Variants in DYNC1LI2 observed in about 807,000 individuals in gnomAD.
DYNC1LI2 encodes the protein cytoplasmic dynein 1 light intermediate chain 2.
Under a neutral mutation model 57.8 loss-of-function variants are expected in DYNC1LI2, and 19 were observed. The ratio of observed to expected loss-of-function variants is 0.33; its 90% CI spans 0.23 to 0.48. The LOEUF is 0.48. Ranked by LOEUF, DYNC1LI2 falls within the 20% of genes least tolerant of loss-of-function variation. The pLI, the probability that DYNC1LI2 is intolerant of heterozygous loss-of-function variation, is 0.99. For synonymous variants in DYNC1LI2, 256 were observed against 233.4 expected, an observed-to-expected ratio of 1.10 and a Z score of -0.88; for missense variants, 470 against 604.2, an observed-to-expected ratio of 0.78 and a Z score of 2.33.
In DYNC1LI2 at chr16:66,723,815, CTT is replaced by C; in HGVS notation, c.1384_1385del (p.Lys462AspfsTer12). The C allele has an allele frequency of 1.3e-6, 2 of 1,561,954 alleles. No homozygotes were observed. Among genetic ancestry groups the C allele is most frequent in the Non-Finnish European group, 1.7e-6 (2 of 1,158,356 alleles). On this transcript the variant is annotated frameshift_variant, in exon 13 of 13. Transcript: ENST00000258198. LOFTEE classifies it high-confidence loss of function. Reference protein sequence around the residue: ...VQSTAKKSGQKTVLSNVQEEL... With the variant: ...VQSTAKKSGQXTVLSNVQEEL... ...CTTCCTGAACATTTGACAACACAGTCTTTTGTCCTGAAAAAAAAAAAAAGCAA... is the reference window on the plus strand; with the variant it reads ...CTTCCTGAACATTTGACAACACAGTCTTGTCCTGAAAAAAAAAAAAAGCAA...
In DYNC1LI2 at chr16:66,751,453, C is replaced by A. The variant is rs749616134; in HGVS notation, c.107+32G>T. The A allele has an allele frequency of 6.3e-6, 10 of 1,580,242 alleles. No homozygotes were observed. The highest frequency in any genetic ancestry group is 8.6e-6 in the Non-Finnish European group (10 of 1,167,198). Reference sequence around the variant, plus strand: ...CGGTCCGGCCCAGAGGCCGCGCCCCCCACGGCCCGGCCCGACCGCCCGCGG... The same window carrying A: ...CGGTCCGGCCCAGAGGCCGCGCCCCACACGGCCCGGCCCGACCGCCCGCGG... On this transcript the variant is annotated intron_variant, in intron 1 of 12. Transcript: ENST00000258198. The surrounding 1 kb of genome is among the most constrained non-coding windows in gnomAD (Gnocchi z 5.2).
Position 66,734,363 on chromosome 16 carries a change from T to C in DYNC1LI2, c.700-52A>G, listed in dbSNP as rs192976276. The C allele has an allele frequency of 1.5e-4, 234 of 1,532,670 alleles. No individual in the cohort carries two copies. The African/African-American group carries it at 2.1e-3, about 14-fold the overall frequency. The allele number at this position is 1,532,670 out of a possible 1,614,324, so 94.9% of individuals were successfully genotyped here. A position where few individuals can be genotyped will look rare whatever the true frequency, so the allele number is the denominator to read the frequency against. ...TTTTTGCTTCATTGCCTGCTGACGATGGGAACACCTCATTCTTCAGAAATA... is the reference window on the plus strand; with the variant it reads ...TTTTTGCTTCATTGCCTGCTGACGACGGGAACACCTCATTCTTCAGAAATA... On this transcript the variant is annotated intron_variant, in intron 5 of 12. Coordinates refer to ENST00000258198, the MANE Select transcript of DYNC1LI2 (RefSeq NM_006141.3).
rs932914176 is a variant in DYNC1LI2, at chr16:66,748,104, T to C, written c.298+1093A>G. Among the ~76,000 whole-genome samples, 11 of 151,742 alleles carry C rather than the reference T, an allele frequency of 7.2e-5. No individual in the cohort carries two copies. The East Asian group carries it at 9.8e-4, about 13-fold the overall frequency. Reference sequence around the variant, plus strand: ...GAGTTCGAGACCAACCTGAGCAACATAGTGAAACCCCATCTGTACAAAAAT... The same window carrying C: ...GAGTTCGAGACCAACCTGAGCAACACAGTGAAACCCCATCTGTACAAAAAT... On this transcript the variant is annotated intron_variant, in intron 3 of 12. Transcript: ENST00000258198.
rs1419649865 is a variant in DYNC1LI2 at position 66,729,379 on chromosome 16, A to G, written c.1042-280T>C. Among the ~76,000 whole-genome samples, 3 of 152,250 alleles carry G rather than the reference A, an allele frequency of 2.0e-5. No individual in the cohort carries two copies. In the East Asian group the frequency reaches 5.8e-4, roughly 29 times the overall value. ...ATCCAGTAACAGTAATCCAGAGGCA[A>G]CGGCAGCACTGGCAGGACTTAATGG... On this transcript the variant is annotated intron_variant, in intron 8 of 12. Transcript: ENST00000258198.
rs1483935352 is a variant in DYNC1LI2, at chr16:66,734,911, C to T, written c.700-600G>A. Among the ~76,000 whole-genome samples, 5 of 136,462 alleles carry T rather than the reference C, an allele frequency of 3.7e-5. No homozygotes were observed. In the East Asian group the frequency reaches 6.9e-4, roughly 19 times the overall value. 89.5% of individuals were successfully genotyped at this position (136,462 alleles called of 152,430 possible). On this transcript the variant is annotated intron_variant, in intron 5 of 12. Transcript: ENST00000258198. ...ACTCAGGAGGCTGAGGTAGGAGAAT[C>T]GCTTGAACTGGGAAGGCAGAGGTTG...
intron 11 of DYNC1LI2, among the ~76,000 whole-genome samples, chr16:66,727,272 A>G (rs2017553510): frequency 6.6e-6 from 1 of 152,314 alleles, no homozygotes; most frequent in African/African-American, 2.4e-5. Context: ...CTATAGTCCC[A>G]GCTACTCCAG....
chr16:66,750,536 A>C (rs2018024955), intron 2 of DYNC1LI2, among the ~76,000 whole-genome samples: 1 of 152,134 alleles, frequency 6.6e-6, no homozygotes. Flanking sequence ...CCCCCGAATC[A>C]TCCTCCTTCA....
rs911551011 is a variant in DYNC1LI2 at position 66,733,880 on chromosome 16, C to T, written c.793+338G>A. On this transcript the variant is annotated intron_variant, in intron 6 of 12. Coordinates refer to ENST00000258198, the MANE Select transcript of DYNC1LI2 (RefSeq NM_006141.3). Reference sequence around the variant, plus strand: ...GTCTCAGAAAAAAAATTAAAAAATACGCCGAGCGCAGTAGCTAACAGCTAT... The same window carrying T: ...GTCTCAGAAAAAAAATTAAAAAATATGCCGAGCGCAGTAGCTAACAGCTAT... The T allele has an allele frequency of 7.4e-5, 16 of 214,938 alleles. 1 individual carries two copies. The highest frequency in any genetic ancestry group is 5.0e-4 in the South Asian group (7 of 13,878). 13.3% of individuals were successfully genotyped at this position (214,938 alleles called of 1,614,324 possible).
chr16:66,740,728 G>C (rs1193683827), intron 4 of DYNC1LI2, among the ~76,000 whole-genome samples: 1 of 152,214 alleles, frequency 6.6e-6, no homozygotes, highest in Admixed American at 6.5e-5. Flanking sequence ...GAACACGGAT[G>C]TGAAGGCTAG....
At chr16:66,748,300 A>C (rs936191033) in intron 3 of DYNC1LI2, among the ~76,000 whole-genome samples, 2 of 150,016 alleles carry the variant, frequency 1.3e-5, no homozygotes, top group Non-Finnish European at 3.0e-5. Flanking sequence ...AAAAAAAAAA[A>C]AAAAACTAAC....
intron 3 of DYNC1LI2, among the ~76,000 whole-genome samples, chr16:66,747,523 G>A (rs574025534): frequency 1.3e-5 from 2 of 151,716 alleles, no homozygotes; most frequent in East Asian, 1.9e-4. Context: ...CCCATACATC[G>A]TAATCTTTAC....
At chr16:66,735,105 T>TTC (rs954776024) in intron 5 of DYNC1LI2, among the ~76,000 whole-genome samples, 29 of 151,390 alleles carry the variant, frequency 1.9e-4, no homozygotes, top group East Asian at 9.7e-4. Context: ...TGTTTGTTTT[T>TTC]TTTTTCTTTT....
intron 3 of DYNC1LI2, among the ~76,000 whole-genome samples, chr16:66,743,613 C>A (rs573141767): frequency 2.8e-5 from 4 of 143,810 alleles, no homozygotes; most frequent in Admixed American, 2.1e-4. Context: ...TCAATAAAAA[C>A]CAAAAGATAC....
Position 66,751,525 on chromosome 16 carries a change from C to T in DYNC1LI2, c.67G>A (p.Gly23Ser), listed in dbSNP as rs1439437822. ...TCCTCCTCCTCACTGGTCAGGTCGC[C>T]GGCGGCCGCCACCGCGGGCCCGTTG... ...GPNGPAVAAA[G>S]DLTSEEEEGQ... Residue 23 changes from glycine to serine, a missense_variant, in exon 1 of 13, where the codon GGC (glycine) becomes AGC (serine). Physicochemically the swap from Gly to Ser is moderately conservative, Grantham distance 56. Transcript: ENST00000258198. The surrounding 1 kb of genome is among the most constrained non-coding windows in gnomAD (Gnocchi z 5.2). 1 of 1,587,986 alleles carries T rather than the reference C, an allele frequency of 6.3e-7. No homozygotes were observed. The highest frequency in any genetic ancestry group is 8.5e-7 in the Non-Finnish European group (1 of 1,169,686).
Position 66,721,574 on chromosome 16 carries a change from T to C in DYNC1LI2, c.*2148A>G, listed in dbSNP as rs868671324. ...AAAAGAACCCTGCAGCTCCCCAAAG[T>C]TGGTAGACTTTGGCAACCACTGAGC... is the stretch of plus-strand genomic sequence containing the variant. On this transcript the variant is annotated 3_prime_UTR_variant, in exon 13 of 13. Transcript: ENST00000258198. 40 of 152,676 alleles carry C rather than the reference T, an allele frequency of 2.6e-4. No homozygotes were observed. Among genetic ancestry groups the C allele is most frequent in the Non-Finnish European group, 3.5e-4 (24 of 68,014 alleles). 9.5% of individuals were successfully genotyped at this position (152,676 alleles called of 1,614,324 possible).
Position 66,736,162 on chromosome 16 carries a change from G to C in DYNC1LI2, c.612C>G (p.Gly204=). The part of the protein sequence containing the change: ...SPQRRGPLTS[G]SDEENVALPL... ...GCAGGGCAACATTTTCTTCATCGGAGCCTGAGGTCAGAGGGCCTCTTCTCT... is the reference window on the plus strand; with the variant it reads ...GCAGGGCAACATTTTCTTCATCGGACCCTGAGGTCAGAGGGCCTCTTCTCT... Residue 204 remains glycine (G), a synonymous_variant, in exon 5 of 13, where the codon GGC becomes GGG. Coordinates refer to ENST00000258198, the MANE Select transcript of DYNC1LI2 (RefSeq NM_006141.3). 1 of 1,614,080 alleles carries C rather than the reference G, an allele frequency of 6.2e-7. No individual in the cohort carries two copies. The highest frequency in any genetic ancestry group is 8.5e-7 in the Non-Finnish European group (1 of 1,180,034).
At chr16:66,743,448 C>A (rs2017876955) in intron 3 of DYNC1LI2, among the ~76,000 whole-genome samples, 1 of 151,152 alleles carries the variant, frequency 6.6e-6, no homozygotes, top group Admixed American at 6.6e-5. Flanking sequence ...GTAATCCCAG[C>A]TACTTGGGAG....
At chr16:66,737,356 TC>T (rs2144989415) in intron 4 of DYNC1LI2, among the ~76,000 whole-genome samples, 1 of 152,136 alleles carries the variant, frequency 6.6e-6, no homozygotes, top group East Asian at 1.9e-4. Context: ...AAACCCTGTC[TC>T]TGCTAAAAAT....
intron 11 of DYNC1LI2, among the ~76,000 whole-genome samples, chr16:66,726,515 C>T (rs2017538530): frequency 6.6e-6 from 1 of 152,244 alleles, no homozygotes; most frequent in African/African-American, 2.4e-5. Context: ...CTCCCTCAGC[C>T]AGGGGTGGTG....
Sources: gnomAD v4.1 joint callset for allele counts (sites outside exome capture counted in the v4.1 genomes callset) on GRCh38, gnomAD v4.1.1 for gene constraint, Gnocchi (gnomAD v3.1) non-coding constraint, MANE v1.5 for transcripts, NCBI Gene and HGNC (gene_info 2026-07-23, HGNC 2026-07-21) for gene names.